The following LRBA variants were observed in gnomAD, a reference collection of about 807,000 sequenced individuals.
LRBA encodes the protein lipopolysaccharide-responsive and beige-like anchor protein.
A neutral mutation model predicts 330.0 loss-of-function variants in LRBA; 176 were observed. The ratio of observed to expected loss-of-function variants is 0.53; its 90% CI spans 0.47 to 0.60. LRBA has a LOEUF of 0.60. Ranked by LOEUF, LRBA falls within the 20% of genes least tolerant of loss-of-function variation. The probability of loss-of-function intolerance (pLI) is 0.00; values close to 1 mark genes in which losing one functional copy is unlikely to be tolerated. For missense variants in LRBA, 3,259 were observed against 3,444.8 expected (o/e 0.95, Z 1.35); for synonymous variants, 1,230 against 1,193.0 (o/e 1.03, Z -0.64).
Position 150,825,131 on chromosome 4 carries a change from T to A in LRBA, c.5171+3049A>T, listed in dbSNP as rs553059344. Among the ~76,000 whole-genome samples, 8 of 152,052 alleles carry A rather than the reference T, an allele frequency of 5.3e-5. No individual in the cohort carries two copies. In the South Asian group the frequency reaches 1.5e-3, roughly 28 times the overall value. On this transcript the variant is annotated intron_variant, in intron 30 of 56. Coordinates refer to ENST00000651943, the MANE Select transcript of LRBA (RefSeq NM_001364905.1). ...AAAATAAGTTAAAATATATCAAAAC[T>A]TACAAACACAAACACTTAGAAATAG...
intron 40 of LRBA, among the ~76,000 whole-genome samples, chr4:150,512,942 A>G (rs1761983757): frequency 6.6e-6 from 1 of 152,354 alleles, no homozygotes; most frequent in Non-Finnish European, 1.5e-5. Context: ...ATTAAACATT[A>G]ATAGTAACAT....
At chr4:150,946,486 C>T (rs1579284859) in intron 2 of LRBA, among the ~76,000 whole-genome samples, 2 of 151,952 alleles carry the variant, frequency 1.3e-5, no homozygotes, top group Non-Finnish European at 1.5e-5. Context: ...GAAAAATGTG[C>T]GAACACTTGG....
chr4:150,476,950 A>C (rs1756782012), intron 42 of LRBA, among the ~76,000 whole-genome samples: 1 of 152,186 alleles, frequency 6.6e-6, no homozygotes, highest in African/African-American at 2.4e-5. Flanking sequence ...AGGATTTAGC[A>C]CAATAGTCCC....
chr4:150,628,576 T>C (rs1352567689), intron 37 of LRBA, among the ~76,000 whole-genome samples: 1 of 152,172 alleles, frequency 6.6e-6, no homozygotes, highest in Non-Finnish European at 1.5e-5. Flanking sequence ...CAACAGGACA[T>C]GCAAAACACA....
intron 2 of LRBA, chr4:151,013,603 A>G (rs1745096651): frequency 6.6e-6 from 1 of 152,234 alleles, no homozygotes; most frequent in African/African-American, 2.4e-5. Context: ...ATGCATGCCT[A>G]TAGCCACAAC....
At chr4:151,000,936 G>A (rs967789732) in intron 2 of LRBA, among the ~76,000 whole-genome samples, 14 of 152,234 alleles carry the variant, frequency 9.2e-5, no homozygotes, top group Non-Finnish European at 2.1e-4. Flanking sequence ...CAGTAAGTGG[G>A]AGACTCCCTG....
chr4:150,784,235 T>C (rs1279095369), intron 34 of LRBA, among the ~76,000 whole-genome samples: 1 of 152,196 alleles, frequency 6.6e-6, no homozygotes, highest in Non-Finnish European at 1.5e-5. Flanking sequence ...GTAGGAGTTA[T>C]TAAGAAATTA....
intron 31 of LRBA, among the ~76,000 whole-genome samples, chr4:150,809,222 AACATACACACAC>A (rs1211038809): frequency 1.3e-5 from 2 of 152,152 alleles, no homozygotes; most frequent in Non-Finnish European, 2.9e-5. Flanking sequence ...TTTATATACA[AACATACACACAC>A]ACAAACACAC....
At chr4:150,609,113 A>G (rs533922353) in intron 37 of LRBA, among the ~76,000 whole-genome samples, 18 of 152,302 alleles carry the variant, frequency 1.2e-4, no homozygotes, top group African/African-American at 3.8e-4. Context: ...CCTCTTTCCT[A>G]ATAACTGAAT....
chr4:150,562,251 T>C (rs1768453165), intron 40 of LRBA, among the ~76,000 whole-genome samples: 1 of 152,222 alleles, frequency 6.6e-6, no homozygotes, highest in Admixed American at 6.6e-5. Context: ...CTTTCCATTG[T>C]TGCTGAGTAT....
At chr4:150,613,271 A>T (rs1399271732) in intron 37 of LRBA, among the ~76,000 whole-genome samples, 1 of 152,210 alleles carries the variant, frequency 6.6e-6, no homozygotes, top group Non-Finnish European at 1.5e-5. Context: ...AAACAGATAT[A>T]TGAAGAGATA....
chr4:150,609,427 T>C (rs1227913663), intron 37 of LRBA, among the ~76,000 whole-genome samples: 2 of 152,194 alleles, frequency 1.3e-5, no homozygotes, highest in African/African-American at 4.8e-5. Flanking sequence ...AAATAGTTTA[T>C]ACATCCGGGG....
intron 53 of LRBA, among the ~76,000 whole-genome samples, chr4:150,287,626 C>A (rs999784): frequency 6.6e-6 from 1 of 152,098 alleles, no homozygotes; most frequent in East Asian, 1.9e-4. Flanking sequence ...TGTAGGTAAT[C>A]CTGAGTGAGA....
intron 47 of LRBA, among the ~76,000 whole-genome samples, chr4:150,390,443 A>C (rs1743755972): frequency 1.3e-5 from 2 of 152,178 alleles, no homozygotes; most frequent in African/African-American, 4.8e-5. Flanking sequence ...TAACTGCCAG[A>C]AGTCTACAGC....
rs1771616964 is a variant in LRBA at position 150,583,134 on chromosome 4, T to C, written c.6330+4914A>G. The stretch of plus-strand genomic sequence containing the variant: ...TCGCCAAAACCATCCGAGAGGTCTG[T>C]AAGGTGGTCTCGGACGTGCTCAAGG... On this transcript the variant is annotated intron_variant, in intron 40 of 56. Transcript: ENST00000651943. This position sits in a 1 kb window ranked among gnomAD's most constrained non-coding sequence, Gnocchi z 9.8. 6.2e-7 allele frequency: 1 copy of C among 1,614,038 alleles called. No individual in the cohort carries two copies. The highest frequency in any genetic ancestry group is 8.5e-7 in the Non-Finnish European group (1 of 1,180,024).
intron 2 of LRBA, among the ~76,000 whole-genome samples, chr4:150,996,411 T>C (rs1282671357): frequency 6.6e-6 from 1 of 152,142 alleles, no homozygotes; most frequent in Admixed American, 6.5e-5. Flanking sequence ...ACACAAGTAA[T>C]ACAGGTTAAG....
intron 36 of LRBA, among the ~76,000 whole-genome samples, chr4:150,706,910 C>T (rs1561536582): frequency 6.6e-6 from 1 of 151,632 alleles, no homozygotes; most frequent in Non-Finnish European, 1.5e-5. Flanking sequence ...CCATATATAA[C>T]CTATGCAAGT....
intron 36 of LRBA, among the ~76,000 whole-genome samples, chr4:150,714,992 A>G (rs1002491149): frequency 1.3e-5 from 2 of 152,184 alleles, no homozygotes; most frequent in Non-Finnish European, 2.9e-5. Context: ...AGGAACACCA[A>G]TGTATTTGAA....
At chr4:150,451,398 A>G (rs1247007815) in intron 44 of LRBA, among the ~76,000 whole-genome samples, 2 of 152,226 alleles carry the variant, frequency 1.3e-5, no homozygotes, top group Non-Finnish European at 2.9e-5. Context: ...TAAACACAAG[A>G]AAGACATCTG....
Sources: allele counts gnomAD v4.1 joint callset (sites outside exome capture counted in the v4.1 genomes callset), GRCh38; gene constraint gnomAD v4.1.1; non-coding constraint Gnocchi (gnomAD v3.1); transcripts MANE v1.5; gene names NCBI Gene and HGNC (gene_info 2026-07-23, HGNC 2026-07-21).